FNBP1: variants seen among roughly 807,000 people sequenced by gnomAD.
FNBP1 encodes the protein formin-binding protein 1.
FNBP1 carries 26 observed loss-of-function variants against 90.6 expected under a neutral mutation model. That is an observed-to-expected ratio of 0.29 (90% CI 0.21 to 0.40). The LOEUF (loss-of-function observed/expected upper bound fraction) is 0.40, where lower values mean the gene tolerates loss of function less well. Ranked by LOEUF, FNBP1 falls within the 10% of genes least tolerant of loss-of-function variation. The pLI is 1.00. For missense variants in FNBP1, 635 were observed against 768.0 expected, an observed-to-expected ratio of 0.83 and a Z score of 2.05; for synonymous variants, 260 against 265.2, an observed-to-expected ratio of 0.98 and a Z score of 0.19.
chr9:130,031,802 C>T lies in FNBP1; in HGVS notation c.24+11150G>A, dbSNP rs952855132. On this transcript the variant is annotated intron_variant, in intron 1 of 16. Coordinates refer to ENST00000446176, the MANE Select transcript of FNBP1 (RefSeq NM_015033.3). This position sits in a 1 kb window ranked among gnomAD's most constrained non-coding sequence, Gnocchi z 4.2. ...TCAGCCTCCCGAGTAGCTGGGATTA[C>T]AGGCGAGCGCCATCATGCCTGGCTA... is the stretch of plus-strand genomic sequence containing the variant. 6.6e-6 allele frequency among the ~76,000 whole-genome samples: 1 copy of T among 152,044 alleles called. No homozygotes were observed. The highest frequency in any genetic ancestry group is 2.4e-5 in the African/African-American group (1 of 41,392).
At chr9:129,954,969 G>A (rs1320679942) in intron 6 of FNBP1, among the ~76,000 whole-genome samples, 1 of 151,864 alleles carries the variant, frequency 6.6e-6, no homozygotes, top group African/African-American at 2.4e-5. Context: ...ACTCCAGCCT[G>A]GGCAACAAGA....
chr9:130,014,243 CTTTCT>C (rs1218589826), intron 1 of FNBP1, among the ~76,000 whole-genome samples: 1 of 148,846 alleles, frequency 6.7e-6, no homozygotes, highest in Non-Finnish European at 1.5e-5. Flanking sequence ...TTATTTCTTT[CTTTCT>C]TTTTTTTTTT....
intron 1 of FNBP1, among the ~76,000 whole-genome samples, chr9:130,005,963 G>C (rs1160976280): frequency 6.6e-6 from 1 of 151,596 alleles, no homozygotes; most frequent in East Asian, 1.9e-4. Context: ...TGCTCCCTGG[G>C]TTGAAAATGT....
At position 129,927,409 on chromosome 9, in the gene FNBP1, G is replaced by A. The variant is rs111944518; in HGVS notation, c.643-68C>T. The stretch of plus-strand genomic sequence containing the variant: ...TATTAAACAAAGTTGTTTTTCGGCA[G>A]CATTGTTACCTCTAACAAGTTCTCT... On this transcript the variant is annotated intron_variant, in intron 7 of 16. Coordinates refer to ENST00000446176, the MANE Select transcript of FNBP1 (RefSeq NM_015033.3). 3.3e-6 allele frequency: 5 copies of A among 1,499,694 alleles called. No homozygotes were observed. In the African/African-American group the frequency reaches 5.5e-5, roughly 17 times the overall value. 92.9% of individuals were successfully genotyped at this position (1,499,694 alleles called of 1,614,324 possible).
chr9:129,978,281 A>C, intron 4 of FNBP1, 184 bp downstream of exon 4: 1 of 518,800 alleles, frequency 1.9e-6, no homozygotes, highest in Non-Finnish European at 3.4e-6. Context: ...GGCCTCCCAA[A>C]GTCCTGGGAT....
rs757136990 is a variant in FNBP1, at chr9:129,887,195, ATATTT to A, written c.*3339_*3343del. Reference sequence around the variant, plus strand: ...GTCCCGTGACACGGAGCCACAAGTTATATTTTATTTTAACACGAGATTAACATATA... The same window carrying A: ...GTCCCGTGACACGGAGCCACAAGTTATATTTTAACACGAGATTAACATATA... On this transcript the variant is annotated 3_prime_UTR_variant, in exon 17 of 17. Coordinates refer to ENST00000446176, the MANE Select transcript of FNBP1 (RefSeq NM_015033.3). The A allele has an allele frequency of 4.5e-5, 8 of 178,776 alleles. No individual in the cohort carries two copies. Among genetic ancestry groups the A allele is most frequent in the South Asian group, 2.0e-4 (1 of 5,050 alleles). The allele number at this position is 178,776 out of a possible 1,614,324, so 11.1% of individuals were successfully genotyped here. A position where few individuals can be genotyped will look rare whatever the true frequency, so the allele number is the denominator to read the frequency against.
Position 129,957,003 on chromosome 9 carries a change from C to T in FNBP1, c.513+357G>A, listed in dbSNP as rs2047042268. On this transcript the variant is annotated intron_variant, in intron 6 of 16. Coordinates refer to ENST00000446176, the MANE Select transcript of FNBP1 (RefSeq NM_015033.3). The surrounding 1 kb of genome is among the most constrained non-coding windows in gnomAD (Gnocchi z 4.3). ...GGATGGGTGGTCGGTGATGAACACT[C>T]ACAGGGGAAATGAAAGACACACTTG... 6.6e-6 allele frequency among the ~76,000 whole-genome samples: 1 copy of T among 151,266 alleles called. No individual in the cohort carries two copies. Among genetic ancestry groups the T allele is most frequent in the Non-Finnish European group, 1.5e-5 (1 of 67,902 alleles).
rs146425087 is a variant in FNBP1 at position 129,961,053 on chromosome 9, C to T, written c.346-2500G>A. Among the ~76,000 whole-genome samples the T allele has an allele frequency of 4.7e-3, 719 of 152,162 alleles. 29 individuals carry two copies. The East Asian group carries it at 0.11, about 24-fold the overall frequency. On this transcript the variant is annotated intron_variant, in intron 4 of 16. Transcript: ENST00000446176. ...ACTAGCCGAGCGTGGTGGCTCATGC[C>T]TGTAATCCCATCACTTTGGGAGGCC...
intron 16 of FNBP1, chr9:129,895,602 C>G: frequency 8.1e-7 from 1 of 1,238,966 alleles, no homozygotes; most frequent in South Asian, 3.9e-5. Flanking sequence ...TGGCGGTTGG[C>G]AGCTTTCCAC....
chr9:129,943,532 G>C (rs1588732573), intron 6 of FNBP1, among the ~76,000 whole-genome samples: 2 of 151,988 alleles, frequency 1.3e-5, no homozygotes, highest in South Asian at 2.1e-4. Context: ...GATTACAGGT[G>C]TGCACCACCA....
intron 8 of FNBP1, among the ~76,000 whole-genome samples, chr9:129,925,907 C>A (rs1002429028): frequency 5.3e-5 from 8 of 151,604 alleles, no homozygotes; most frequent in African/African-American, 1.7e-4. Context: ...TTTTTTCATT[C>A]TTCTCAAAAG....
At chr9:130,049,146 T>C in the FNBP1 span, among the ~76,000 whole-genome samples, 2 of 151,950 alleles carry the variant, frequency 1.3e-5, no homozygotes, top group African/African-American at 2.4e-5. Context: ...CCCAACACTT[T>C]GGGAGGCCAA....
At chr9:129,956,779 T>C (rs1372796017) in intron 6 of FNBP1, among the ~76,000 whole-genome samples, 2 of 152,204 alleles carry the variant, frequency 1.3e-5, no homozygotes. Flanking sequence ...AGCCACAACC[T>C]TCTGGAACGT....
chr9:130,010,409 A>C (rs956263297), intron 1 of FNBP1, among the ~76,000 whole-genome samples: 3 of 152,188 alleles, frequency 2.0e-5, no homozygotes, highest in Admixed American at 6.6e-5. Context: ...GTTTCCTCCC[A>C]AAAAAACCCG....
intron 6 of FNBP1, among the ~76,000 whole-genome samples, chr9:129,954,367 C>T (rs1446889585): frequency 2.0e-5 from 3 of 151,998 alleles, no homozygotes; most frequent in African/African-American, 2.4e-5. Flanking sequence ...AGAGCAAACA[C>T]TCCAAAACTC....
chr9:129,929,520 G>T, intron 7 of FNBP1, 47 bp downstream of exon 7: 1 of 1,589,108 alleles, frequency 6.3e-7, no homozygotes, highest in Non-Finnish European at 8.6e-7. Flanking sequence ...TGTTTCTAAG[G>T]AAAGCAAAGC....
At chr9:130,035,245 C>A (rs1016284067) in intron 1 of FNBP1, among the ~76,000 whole-genome samples, 3 of 152,192 alleles carry the variant, frequency 2.0e-5, no homozygotes, top group African/African-American at 7.2e-5. Flanking sequence ...TCTTGTAGCA[C>A]CCCCAGCCAA....
chr9:129,933,201 T>C (rs768270349), intron 6 of FNBP1, among the ~76,000 whole-genome samples: 2 of 152,166 alleles, frequency 1.3e-5, no homozygotes, highest in Non-Finnish European at 2.9e-5. Context: ...CATCATTATA[T>C]ATAATATGTA....
rs555197237 is a variant in FNBP1, at chr9:130,017,799, C to A, written c.25-22841G>T. Among the ~76,000 whole-genome samples the A allele has an allele frequency of 5.3e-5, 8 of 150,246 alleles. No homozygotes were observed. In the East Asian group the frequency reaches 1.6e-3, roughly 29 times the overall value. On this transcript the variant is annotated intron_variant, in intron 1 of 16. Transcript: ENST00000446176. ...GAGCTAAGATCGCACTACTGCACTC[C>A]AGCCCGGGTGACAGAGTGAGACTCC...
Sources: allele counts gnomAD v4.1 joint callset (sites outside exome capture counted in the v4.1 genomes callset), GRCh38; gene constraint gnomAD v4.1.1; non-coding constraint Gnocchi (gnomAD v3.1); transcripts MANE v1.5; gene names NCBI Gene and HGNC (gene_info 2026-07-23, HGNC 2026-07-21).